The following ERO1A variants were observed in gnomAD, a reference collection of about 807,000 sequenced individuals.
ERO1A encodes the protein ERO1-like protein alpha.
Under a neutral mutation model 76.9 loss-of-function variants are expected in ERO1A, and 49 were observed. The observed-to-expected ratio is 0.64, with a 90% CI of 0.51 to 0.81. The LOEUF is 0.81. Ranked by LOEUF, ERO1A falls within the 30% of genes least tolerant of loss-of-function variation. ERO1A has a pLI of 0.00. For missense variants in ERO1A, 448 were observed against 542.1 expected (o/e 0.83, Z 1.72); for synonymous variants, 174 against 181.2 (o/e 0.96, Z 0.32).
intron 13 of ERO1A, among the ~76,000 whole-genome samples, chr14:52,647,363 G>T (rs2039707180): frequency 6.6e-6 from 1 of 150,726 alleles, no homozygotes; most frequent in Non-Finnish European, 1.5e-5. Flanking sequence ...AAACAATCAG[G>T]TCTTCCTTTG....
chr14:52,692,165 G>T (rs1254802379), intron 1 of ERO1A, among the ~76,000 whole-genome samples: 3 of 152,188 alleles, frequency 2.0e-5, no homozygotes, highest in Non-Finnish European at 4.4e-5. Context: ...CCTAGGACTT[G>T]TTGAGCACCA....
chr14:52,646,642 C>A, intron 13 of ERO1A, 181 bp from the exon 14 acceptor site: 1 of 493,552 alleles, frequency 2.0e-6, no homozygotes. Flanking sequence ...CTCATTTAAT[C>A]TTCACCACAA....
intron 6 of ERO1A, among the ~76,000 whole-genome samples, chr14:52,667,508 AG>A (rs1469009689): frequency 1.3e-5 from 2 of 152,232 alleles, no homozygotes; most frequent in East Asian, 3.8e-4. Flanking sequence ...GCTTGAGCCC[AG>A]GAGTGATTCT....
rs1159707789 is a variant in ERO1A, at chr14:52,695,491, G to A, written c.-10C>T. 6.7e-7 allele frequency: 1 copy of A among 1,490,306 alleles called. No individual in the cohort carries two copies. The allele number at this position is 1,490,306 out of a possible 1,614,324, so 92.3% of individuals were successfully genotyped here. A position where few individuals can be genotyped will look rare whatever the true frequency, so the allele number is the denominator to read the frequency against. The stretch of plus-strand genomic sequence containing the variant: ...CCCAGCCGCGGCCCATTGCAGCTCC[G>A]GCAGCTTGTCGCCCCACGCTTGGGA... On this transcript the variant is annotated 5_prime_UTR_variant, in exon 1 of 16. Coordinates refer to ENST00000395686, the MANE Select transcript of ERO1A (RefSeq NM_014584.3).
chr14:52,676,875 C>CAAA (rs150557631), intron 4 of ERO1A, among the ~76,000 whole-genome samples: 2 of 133,632 alleles, frequency 1.5e-5, no homozygotes, highest in Admixed American at 7.5e-5. Flanking sequence ...CTATCTACCC[C>CAAA]AAAAAAAAAA....
chr14:52,639,931 CT>C lies in ERO1A; in HGVS notation c.*3638del, dbSNP rs2039417628. ...CACCAAATCTTGAATACAATTTCAG[CT>C]TTATTGACCCCCTAAAGTCTACAAA... On this transcript the variant is annotated 3_prime_UTR_variant, in exon 16 of 16. Transcript: ENST00000395686. The C allele has an allele frequency of 6.6e-6, 1 of 152,134 alleles. No individual in the cohort carries two copies. Among genetic ancestry groups the C allele is most frequent in the Non-Finnish European group, 1.5e-5 (1 of 68,008 alleles). 9.4% of individuals were successfully genotyped at this position (152,134 alleles called of 1,614,324 possible). A position where few individuals can be genotyped will look rare whatever the true frequency, so the allele number is the denominator to read the frequency against.
chr14:52,674,001 G>C (rs2040697425), intron 4 of ERO1A, among the ~76,000 whole-genome samples: 2 of 152,164 alleles, frequency 1.3e-5, no homozygotes, highest in Admixed American at 6.5e-5. Flanking sequence ...TTGTTTCATA[G>C]ATTTCTTGAT....
At chr14:52,686,681 T>C (rs1470719960) in intron 1 of ERO1A, among the ~76,000 whole-genome samples, 1 of 152,056 alleles carries the variant, frequency 6.6e-6, no homozygotes, top group Non-Finnish European at 1.5e-5. Flanking sequence ...ATTGAGACCA[T>C]CCTAGCCAAC....
intron 1 of ERO1A, among the ~76,000 whole-genome samples, chr14:52,684,937 C>G (rs1209290496): frequency 6.6e-6 from 1 of 151,794 alleles, no homozygotes; most frequent in Non-Finnish European, 1.5e-5. Flanking sequence ...AAAACAAAAA[C>G]AAACTTAGGA....
At position 52,642,236 on chromosome 14, in the gene ERO1A, A is replaced by C. The variant is rs945287731; in HGVS notation, c.*1334T>G. ...GACAAAGGAAATGAACTTCGGGTAT[A>C]AAAAACAAAAATGAAACTGGGTATG... On this transcript the variant is annotated 3_prime_UTR_variant, in exon 16 of 16. Coordinates refer to ENST00000395686, the MANE Select transcript of ERO1A (RefSeq NM_014584.3). The C allele has an allele frequency of 2.6e-5, 4 of 152,172 alleles. No individual in the cohort carries two copies. The highest frequency in any genetic ancestry group is 5.9e-5 in the Non-Finnish European group (4 of 68,024). The allele number at this position is 152,172 out of a possible 1,614,324, so 9.4% of individuals were successfully genotyped here.
chr14:52,663,732 C>A, intron 8 of ERO1A, 69 bp downstream of exon 8: 1 of 911,908 alleles, frequency 1.1e-6, no homozygotes, highest in Non-Finnish European at 1.8e-6. Context: ...ATTTATCTTG[C>A]CTTCCCCTTC....
intron 1 of ERO1A, among the ~76,000 whole-genome samples, chr14:52,689,024 C>G (rs1034559522): frequency 1.3e-5 from 2 of 152,064 alleles, no homozygotes; most frequent in African/African-American, 4.8e-5. Context: ...GGTGCAATCT[C>G]AGGTCACTGC....
At chr14:52,693,453 A>G (rs2041426073) in intron 1 of ERO1A, among the ~76,000 whole-genome samples, 1 of 152,144 alleles carries the variant, frequency 6.6e-6, no homozygotes, top group African/African-American at 2.4e-5. Context: ...CAGACAGCCT[A>G]TTGCGGGACC....
intron 15 of ERO1A, among the ~76,000 whole-genome samples, chr14:52,645,853 C>T (rs1361716557): frequency 5.7e-3 from 32 of 5,650 alleles, no homozygotes; most frequent in Non-Finnish European, 1.7e-3. Context: ...AAAATACACA[C>T]ACACACACAC....
rs150968050 is a variant in ERO1A, at chr14:52,695,456, A to C, written c.26T>G (p.Phe9Cys). MGRGWGFL[F>C]GLLGAVWLLS... ...CAGCCACACGGCGCCCAGGAGGCCA[A>C]ACAAGAATCCCCAGCCGCGGCCCAT... is the stretch of plus-strand genomic sequence containing the variant. Residue 9 changes from phenylalanine (F) to cysteine (C), a missense_variant, in exon 1 of 16, where the codon TTT becomes TGT. Physicochemically the swap from Phe to Cys is radical, Grantham distance 205. This residue lies in a region of ERO1A where 146 missense variants were observed against 130.2 expected (regional missense o/e 1.12). Coordinates refer to ENST00000395686, the MANE Select transcript of ERO1A (RefSeq NM_014584.3). 3.9e-6 allele frequency: 6 copies of C among 1,543,276 alleles called. No individual in the cohort carries two copies. The African/African-American group carries it at 7.0e-5, about 18-fold the overall frequency.
intron 15 of ERO1A, among the ~76,000 whole-genome samples, chr14:52,645,149 CTA>C (rs894695654): frequency 6.6e-6 from 1 of 151,676 alleles, no homozygotes; most frequent in African/African-American, 2.4e-5. Flanking sequence ...ACATGTACAC[CTA>C]TGTTAAACAA....
chr14:52,682,826 G>A (rs1330473829), intron 2 of ERO1A, among the ~76,000 whole-genome samples: 1 of 151,808 alleles, frequency 6.6e-6, no homozygotes, highest in Non-Finnish European at 1.5e-5. Context: ...TTGAACCCAG[G>A]AGTCGAAGGG....
At chr14:52,673,253 C>G (rs1361908189) in intron 4 of ERO1A, among the ~76,000 whole-genome samples, 1 of 151,944 alleles carries the variant, frequency 6.6e-6, no homozygotes, top group African/African-American at 2.4e-5. Context: ...CCATGTATGG[C>G]TAATTTTTTA....
intron 3 of ERO1A, among the ~76,000 whole-genome samples, chr14:52,680,082 CAAAAAAAAAAAA>C (rs35358193): frequency 1.1e-5 from 1 of 90,934 alleles, no homozygotes; most frequent in African/African-American, 4.1e-5. Flanking sequence ...AAAACACAAA[CAAAAAAAAAAAA>C]AAAAAAAAAC....
Sources: gnomAD v4.1 joint callset for allele counts (sites outside exome capture counted in the v4.1 genomes callset) on GRCh38, gnomAD v4.1.1 for gene constraint, gnomAD v4.1.1 regional missense constraint, MANE v1.5 for transcripts, NCBI Gene and HGNC (gene_info 2026-07-23, HGNC 2026-07-21) for gene names.